Variants in GALNTL6 observed in about 807,000 individuals in gnomAD.
GALNTL6 encodes the protein polypeptide N-acetylgalactosaminyltransferase-like 6.
A neutral mutation model predicts 73.7 loss-of-function variants in GALNTL6; 46 were observed. That is an observed-to-expected ratio of 0.62 (90% CI 0.49 to 0.80). The LOEUF is 0.80. Ranked by LOEUF, GALNTL6 falls within the 30% of genes least tolerant of loss-of-function variation. The pLI is 0.00. For missense variants in GALNTL6, 604 were observed against 755.0 expected (o/e 0.80, Z 2.34); for synonymous variants, 259 against 263.7 (o/e 0.98, Z 0.17).
chr4:171,941,207 T>C (rs1438043649), intron 2 of GALNTL6, among the ~76,000 whole-genome samples: 1 of 152,238 alleles, frequency 6.6e-6, no homozygotes, highest in Non-Finnish European at 1.5e-5. Context: ...CTCTCTGTAT[T>C]GTGAGTGAAG....
chr4:173,013,671 G>A (rs996592211), intron 11 of GALNTL6, among the ~76,000 whole-genome samples: 1 of 150,256 alleles, frequency 6.7e-6, no homozygotes, highest in African/African-American at 2.5e-5. Context: ...TACATAGGCA[G>A]AACAGAAAGA....
At chr4:172,222,342 G>T (rs1316331005) in intron 2 of GALNTL6, among the ~76,000 whole-genome samples, 2 of 378 alleles carry the variant, frequency 5.3e-3, no homozygotes, top group Non-Finnish European at 0.023. Flanking sequence ...CATTAATATA[G>T]TTATTTAAAA....
intron 5 of GALNTL6, among the ~76,000 whole-genome samples, chr4:172,649,205 A>G (rs1740373133): frequency 6.6e-6 from 1 of 152,144 alleles, no homozygotes; most frequent in Admixed American, 6.5e-5. Flanking sequence ...TTTTGAGCAA[A>G]CAAGAACAAT....
intron 7 of GALNTL6, among the ~76,000 whole-genome samples, chr4:172,825,398 C>T (rs2111036968): frequency 6.6e-6 from 1 of 152,204 alleles, no homozygotes; most frequent in South Asian, 2.1e-4. Flanking sequence ...CCACTCCAGC[C>T]TTCTTCACTG....
At chr4:171,821,403 A>G (rs1353349) in intron 2 of GALNTL6, among the ~76,000 whole-genome samples, 42,146 of 151,702 alleles carry the variant, frequency 0.28, 7,223 homozygotes, top group African/African-American at 0.48. Flanking sequence ...AAGGAGAAAT[A>G]TCAGAATTTC....
In GALNTL6 at chr4:172,218,774, T is replaced by C. The variant is rs1210619896; in HGVS notation, c.139-10882T>C. On this transcript the variant is annotated intron_variant, in intron 2 of 12. Coordinates refer to ENST00000506823, the MANE Select transcript of GALNTL6 (RefSeq NM_001034845.3). ...TTATACTTTATTTCTAGAGTAGTTA[T>C]ATTAAATAATTTTAAAGATCTGAAT... 2.6e-5 allele frequency among the ~76,000 whole-genome samples: 4 copies of C among 151,996 alleles called. No homozygotes were observed. In the East Asian group the frequency reaches 7.7e-4, roughly 29 times the overall value.
chr4:172,414,815 A>G (rs911421032), intron 5 of GALNTL6, among the ~76,000 whole-genome samples: 7 of 152,188 alleles, frequency 4.6e-5, no homozygotes, highest in Admixed American at 1.3e-4. Context: ...ACTTTAGTCA[A>G]TTGAAAGGGT....
chr4:172,103,027 C>T (rs766802517), intron 2 of GALNTL6, among the ~76,000 whole-genome samples: 1 of 152,080 alleles, frequency 6.6e-6, no homozygotes, highest in African/African-American at 2.4e-5. Context: ...GATAAGGAGA[C>T]CTAGGAATAA....
At chr4:172,662,306 C>T (rs1407455020) in intron 5 of GALNTL6, among the ~76,000 whole-genome samples, 1 of 152,132 alleles carries the variant, frequency 6.6e-6, no homozygotes. Context: ...GAAATATTTC[C>T]AATTCTCTTC....
At position 171,846,943 on chromosome 4, in the gene GALNTL6, A is replaced by ATTATATGTAATTATATATACATATAG. The variant is rs1560811357; in HGVS notation, c.138+32243_138+32244insACATATAGTTATATGTAATTATATAT. On this transcript the variant is annotated intron_variant, in intron 2 of 12. Coordinates refer to ENST00000506823, the MANE Select transcript of GALNTL6 (RefSeq NM_001034845.3). Reference sequence around the variant, plus strand: ...TTATATGTAATTATATATACATATAATTATATGTAATTATATATGAATATA... The same window carrying ATTATATGTAATTATATATACATATAG: ...TTATATGTAATTATATATACATATAATTATATGTAATTATATATACATATAGTTATATGTAATTATATATGAATATA... Among the ~76,000 whole-genome samples the ATTATATGTAATTATATATACATATAG allele has an allele frequency of 8.2e-3, 277 of 33,842 alleles. 1 individual carries two copies. Among genetic ancestry groups the ATTATATGTAATTATATATACATATAG allele is most frequent in the African/African-American group, 0.023 (263 of 11,494 alleles). The allele number at this position is 33,842 out of a possible 152,430, so 22.2% of individuals were successfully genotyped here. A position where few individuals can be genotyped will look rare whatever the true frequency, so the allele number is the denominator to read the frequency against.
At chr4:172,930,773 G>A (rs763445944) in intron 8 of GALNTL6, among the ~76,000 whole-genome samples, 108 of 151,914 alleles carry the variant, frequency 7.1e-4, no homozygotes, top group Non-Finnish European at 1.2e-3. Context: ...CAAGCCATTC[G>A]CCCAACTCAG....
At chr4:172,599,949 G>T (rs1737994134) in intron 5 of GALNTL6, among the ~76,000 whole-genome samples, 1 of 152,008 alleles carries the variant, frequency 6.6e-6, no homozygotes, top group Admixed American at 6.6e-5. Flanking sequence ...TTCTTTTACT[G>T]TAAGAAAGAA....
intron 10 of GALNTL6, among the ~76,000 whole-genome samples, chr4:173,001,430 G>A (rs369005632): frequency 4.6e-5 from 7 of 151,920 alleles, no homozygotes; most frequent in East Asian, 1.9e-4. Flanking sequence ...ATAAAACATA[G>A]GGGAAAATCT....
intron 5 of GALNTL6, among the ~76,000 whole-genome samples, chr4:172,579,788 A>G (rs1039241242): frequency 1.6e-5 from 2 of 126,976 alleles, no homozygotes; most frequent in African/African-American, 2.8e-5. Flanking sequence ...TAAATGAGGA[A>G]GGAAGGAAGG....
chr4:172,760,813 A>G (rs1242575233), intron 5 of GALNTL6, among the ~76,000 whole-genome samples: 2 of 152,012 alleles, frequency 1.3e-5, no homozygotes, highest in Non-Finnish European at 2.9e-5. Flanking sequence ...GGATAGGAGG[A>G]CCTCTCATGC....
intron 7 of GALNTL6, among the ~76,000 whole-genome samples, chr4:172,870,259 G>A (rs1744859498): frequency 6.6e-6 from 1 of 152,054 alleles, no homozygotes; most frequent in Non-Finnish European, 1.5e-5. Flanking sequence ...GTAAAGATGG[G>A]TCTCAGTATG....
In GALNTL6 at chr4:172,647,305, G is replaced by A. The variant is rs1160877659; in HGVS notation, c.554-162056G>A. ...GGCTTTTCAATATGTTCCCCAAAAG[G>A]TAATATGGAGGACACAGCTCAGGCC... On this transcript the variant is annotated intron_variant, in intron 5 of 12. Transcript: ENST00000506823. 3.9e-5 allele frequency among the ~76,000 whole-genome samples: 6 copies of A among 152,086 alleles called. No individual in the cohort carries two copies. In the South Asian group the frequency reaches 6.2e-4, roughly 16 times the overall value.
rs575087905 is a variant in GALNTL6, at chr4:172,981,138, TTAA to T, written c.1372-28035_1372-28033del. 3.9e-3 allele frequency among the ~76,000 whole-genome samples: 595 copies of T among 152,376 alleles called. 2 individuals are homozygous for T. Among genetic ancestry groups the T allele is most frequent in the Non-Finnish European group, 7.3e-3 (496 of 68,036 alleles). On this transcript the variant is annotated intron_variant, in intron 10 of 12. Transcript: ENST00000506823. ...GGTTGTTTCCACCTTTAGGCTATGCTTAATAATGCTGCTGTGTACATAGGCATA... is the reference window on the plus strand; with the variant it reads ...GGTTGTTTCCACCTTTAGGCTATGCTTAATGCTGCTGTGTACATAGGCATA...
At chr4:172,781,831 T>G (rs1274671523) in intron 5 of GALNTL6, among the ~76,000 whole-genome samples, 1 of 151,896 alleles carries the variant, frequency 6.6e-6, no homozygotes, top group African/African-American at 2.4e-5. Flanking sequence ...TTTGGTATCT[T>G]TTGAAATTTG....
Sources: gnomAD v4.1 joint callset for allele counts (sites outside exome capture counted in the v4.1 genomes callset) on GRCh38, gnomAD v4.1.1 for gene constraint, MANE v1.5 for transcripts, NCBI Gene and HGNC (gene_info 2026-07-23, HGNC 2026-07-21) for gene names.